FBXL5: variants seen among roughly 807,000 people sequenced by gnomAD.
FBXL5 encodes the protein F-box/LRR-repeat protein 5.
A neutral mutation model predicts 78.3 loss-of-function variants in FBXL5; 26 were observed. The ratio of observed to expected loss-of-function variants is 0.33; its 90% CI spans 0.24 to 0.46. The LOEUF (loss-of-function observed/expected upper bound fraction) is 0.46, where lower values mean the gene tolerates loss of function less well. Among genes scored for constraint, FBXL5 ranks in the 20% least tolerant of loss-of-function variants. FBXL5 has a pLI of 1.00. For missense variants in FBXL5, 710 were observed against 829.2 expected (o/e 0.86, Z 1.77); for synonymous variants, 295 against 282.5 (o/e 1.04, Z -0.45).
At chr4:15,609,972 CTA>C (rs1577417546) in intron 10 of FBXL5, among the ~76,000 whole-genome samples, 1 of 152,154 alleles carries the variant, frequency 6.6e-6, no homozygotes, top group East Asian at 1.9e-4. Context: ...TGATAGTTAA[CTA>C]TATATGTTTT....
At chr4:15,626,628 C>T (rs1404578769) in intron 8 of FBXL5, among the ~76,000 whole-genome samples, 1 of 152,178 alleles carries the variant, frequency 6.6e-6, no homozygotes, top group Non-Finnish European at 1.5e-5. Context: ...CATGGTTGCA[C>T]AGCAGGGCTC....
chr4:15,671,841 C>A (rs1054977207), intron 1 of FBXL5, among the ~76,000 whole-genome samples: 4 of 152,180 alleles, frequency 2.6e-5, no homozygotes, highest in Non-Finnish European at 4.4e-5. Flanking sequence ...TGCCATTAAA[C>A]CCATACAGTA....
intron 1 of FBXL5, among the ~76,000 whole-genome samples, chr4:15,665,828 G>A (rs1717516360): frequency 6.6e-6 from 1 of 152,178 alleles, no homozygotes; most frequent in South Asian, 2.1e-4. Flanking sequence ...AGACAGATTT[G>A]GCTGTTGGTA....
At position 15,655,351 on chromosome 4, in the gene FBXL5, G is replaced by T; in HGVS notation, c.-64C>A. The T allele has an allele frequency of 8.0e-7, 1 of 1,245,366 alleles. No individual in the cohort carries two copies. The highest frequency in any genetic ancestry group is 1.7e-5 in the African/African-American group (1 of 57,732). 77.1% of individuals were successfully genotyped at this position (1,245,366 alleles called of 1,614,324 possible). On this transcript the variant is annotated 5_prime_UTR_variant, in exon 1 of 11. Coordinates refer to ENST00000341285, the MANE Select transcript of FBXL5 (RefSeq NM_012161.4). The stretch of plus-strand genomic sequence containing the variant: ...CCGCCTCTCCATAGACACCCTCGCC[G>T]CGGGGCAGAGGCGGCGCGCCCCCTT...
rs564317549 is a variant in FBXL5, at chr4:15,630,610, CTTAA to C, written c.892+52_892+55del. On this transcript the variant is annotated intron_variant, in intron 6 of 10. Coordinates refer to ENST00000341285, the MANE Select transcript of FBXL5 (RefSeq NM_012161.4). The stretch of plus-strand genomic sequence containing the variant: ...ATCTAATACCTAATAATTATAAGTA[CTTAA>C]TTATCAATTATTAAAACACTATGTA... 4.7e-4 allele frequency: 662 copies of C among 1,415,352 alleles called. 4 individuals are homozygous for C. The African/African-American group carries it at 9.2e-3, about 20-fold the overall frequency. 87.7% of individuals were successfully genotyped at this position (1,415,352 alleles called of 1,614,324 possible). A position where few individuals can be genotyped will look rare whatever the true frequency, so the allele number is the denominator to read the frequency against.
At chr4:15,637,239 T>A (rs1714372994) in intron 4 of FBXL5, among the ~76,000 whole-genome samples, 1 of 152,234 alleles carries the variant, frequency 6.6e-6, no homozygotes, top group African/African-American at 2.4e-5. Flanking sequence ...TTATTTATGT[T>A]GCAGGTGAGA....
chr4:15,660,537 C>T (rs189350610), upstream of FBXL5, among the ~76,000 whole-genome samples: 4 of 152,118 alleles, frequency 2.6e-5, no homozygotes, highest in African/African-American at 4.8e-5. Context: ...GGCTAATACA[C>T]GAAACATTGA....
At chr4:15,634,801 T>A (rs557368456) in intron 5 of FBXL5, among the ~76,000 whole-genome samples, 1 of 152,306 alleles carries the variant, frequency 6.6e-6, no homozygotes, top group South Asian at 2.1e-4. Context: ...AGCACAGCAT[T>A]ATCACATTTG....
At chr4:15,641,379 C>A in intron 2 of FBXL5, 1 of 344,794 alleles carries the variant, frequency 2.9e-6, no homozygotes, top group Non-Finnish European at 5.6e-6. Context: ...AAGACCAACC[C>A]CACCTCTTCT....
At chr4:15,614,809 G>A (rs1036809288) in intron 9 of FBXL5, among the ~76,000 whole-genome samples, 2 of 152,158 alleles carry the variant, frequency 1.3e-5, no homozygotes, top group Non-Finnish European at 2.9e-5. Flanking sequence ...CCCCCACTTT[G>A]GCGGCATTTG....
rs1159734804 is a variant in FBXL5, at chr4:15,605,817, A to T, written c.2000-18T>A. The T allele has an allele frequency of 6.3e-7, 1 of 1,591,838 alleles. No homozygotes were observed. Among genetic ancestry groups the T allele is most frequent in the Non-Finnish European group, 8.6e-7 (1 of 1,169,434 alleles). ...ATGAGGACCTGTATGAAAACAGAAA[A>T]ATGTGAAAGGAGGAATTTCTTAGAG... is the stretch of plus-strand genomic sequence containing the variant. On this transcript the variant is annotated intron_variant, in intron 10 of 10. Coordinates refer to ENST00000341285, the MANE Select transcript of FBXL5 (RefSeq NM_012161.4).
intron 1 of FBXL5, among the ~76,000 whole-genome samples, chr4:15,679,018 T>C (rs1718097433): frequency 6.6e-6 from 1 of 151,610 alleles, no homozygotes; most frequent in African/African-American, 2.4e-5. Flanking sequence ...AGCACTATCA[T>C]AATTCTCAAA....
chr4:15,617,559 A>G (rs865881082), intron 9 of FBXL5, among the ~76,000 whole-genome samples: 12 of 151,806 alleles, frequency 7.9e-5, no homozygotes, highest in South Asian at 2.1e-4. Flanking sequence ...AAAAAAAAAA[A>G]AAAGAAAGAA....
chr4:15,646,743 C>A (rs10018878), intron 1 of FBXL5, among the ~76,000 whole-genome samples: 1,926 of 146,584 alleles, frequency 0.013, 51 homozygotes, highest in African/African-American at 0.046. Context: ...CCCCTTCCCA[C>A]GTCCATGTTG....
chr4:15,653,552 A>C (rs1344542459), intron 1 of FBXL5, among the ~76,000 whole-genome samples: 1 of 152,108 alleles, frequency 6.6e-6, no homozygotes, highest in Non-Finnish European at 1.5e-5. Context: ...ATATAATTTC[A>C]GGTGATCCTA....
intron 10 of FBXL5, among the ~76,000 whole-genome samples, chr4:15,609,388 T>G (rs1722091717): frequency 6.6e-6 from 1 of 152,096 alleles, no homozygotes; most frequent in Non-Finnish European, 1.5e-5. Context: ...CTCCAGACTT[T>G]TATTATTGAA....
At chr4:15,678,726 TTAATTA>T (rs1718085862) in intron 1 of FBXL5, among the ~76,000 whole-genome samples, 1 of 152,220 alleles carries the variant, frequency 6.6e-6, no homozygotes, top group Admixed American at 6.5e-5. Context: ...AAATCAGCTT[TTAATTA>T]TAAGCTTATT....
intron 10 of FBXL5, 172 bp downstream of exon 10, chr4:15,612,094 A>G: frequency 2.0e-6 from 1 of 512,472 alleles, no homozygotes; most frequent in Non-Finnish European, 3.3e-6. Flanking sequence ...ACCTTTCAAG[A>G]TGTTAATTAA....
chr4:15,636,133 GCTTA>G (rs1444560498), intron 5 of FBXL5, among the ~76,000 whole-genome samples: 3 of 151,980 alleles, frequency 2.0e-5, no homozygotes, highest in South Asian at 2.1e-4. Flanking sequence ...AGTTTTGAAA[GCTTA>G]CTAATTGAAT....
Sources: allele counts gnomAD v4.1 joint callset (sites outside exome capture counted in the v4.1 genomes callset), GRCh38; gene constraint gnomAD v4.1.1; transcripts MANE v1.5; gene names NCBI Gene and HGNC (gene_info 2026-07-23, HGNC 2026-07-21).